The following MEGF10 variants were observed in gnomAD, a reference collection of about 807,000 sequenced individuals.
MEGF10 encodes the protein multiple epidermal growth factor-like domains protein 10.
In MEGF10, 86 loss-of-function variants were observed where a neutral mutation model predicts 147.5. The ratio of observed to expected loss-of-function variants is 0.58; its 90% CI spans 0.49 to 0.70. The LOEUF (loss-of-function observed/expected upper bound fraction) is 0.70. Among genes scored for constraint, MEGF10 ranks in the 30% least tolerant of loss-of-function variants. The pLI, the probability that MEGF10 is intolerant of heterozygous loss-of-function variation, is 0.00. For synonymous variants in MEGF10, 478 were observed against 525.5 expected (o/e 0.91, Z 1.24); for missense variants, 1,329 against 1,487.3 (o/e 0.89, Z 1.75).
chr5:127,332,858 T>C (rs1761317234), intron 2 of MEGF10, among the ~76,000 whole-genome samples: 1 of 152,102 alleles, frequency 6.6e-6, no homozygotes, highest in African/African-American at 2.4e-5. Flanking sequence ...AAGAGACCAT[T>C]GGTAGTTGAA....
chr5:127,364,626 A>G lies in MEGF10; in HGVS notation c.320-5284A>G, dbSNP rs140753148. Among the ~76,000 whole-genome samples the G allele has an allele frequency of 2.4e-3, 364 of 152,382 alleles. 1 individual carries two copies. The highest frequency in any genetic ancestry group is 8.2e-3 in the African/African-American group (341 of 41,596). On this transcript the variant is annotated intron_variant, in intron 4 of 24. Coordinates refer to ENST00000503335, the MANE Select transcript of MEGF10 (RefSeq NM_001256545.2). ...GCAATATAATGTTTGGAAATATGAA[A>G]GCAAAACGATTCCTGTGCACTTTGT...
intron 5 of MEGF10, among the ~76,000 whole-genome samples, chr5:127,386,006 G>T (rs916229412): frequency 5.3e-5 from 8 of 152,212 alleles, no homozygotes; most frequent in African/African-American, 1.9e-4. Context: ...TACTCTAGAG[G>T]CTGAGGTGGG....
chr5:127,393,683 C>T (rs534505840), intron 5 of MEGF10, among the ~76,000 whole-genome samples: 5 of 152,272 alleles, frequency 3.3e-5, no homozygotes, highest in African/African-American at 1.2e-4. Context: ...CATGCTTGGA[C>T]ATAGCCAGGA....
At chr5:127,306,055 T>C (rs771844870) in intron 1 of MEGF10, among the ~76,000 whole-genome samples, 2 of 152,224 alleles carry the variant, frequency 1.3e-5, no homozygotes, top group African/African-American at 2.4e-5. Context: ...AGACATTAAC[T>C]CTTCACCCAA....
At chr5:127,252,223 T>C in the MEGF10 span, among the ~76,000 whole-genome samples, 1 of 151,884 alleles carries the variant, frequency 6.6e-6, no homozygotes. Context: ...TCTATTAAGA[T>C]TAAAACTGCC....
intron 22 of MEGF10, among the ~76,000 whole-genome samples, chr5:127,451,130 G>A (rs1766140650): frequency 6.6e-6 from 1 of 152,178 alleles, no homozygotes; most frequent in South Asian, 2.1e-4. Context: ...GGAGTAGACT[G>A]GGAGGCACAG....
At chr5:127,351,477 A>C (rs1012277986) in intron 4 of MEGF10, among the ~76,000 whole-genome samples, 6 of 152,176 alleles carry the variant, frequency 3.9e-5, no homozygotes, top group Non-Finnish European at 7.4e-5. Context: ...AACGTTAGGC[A>C]CACGTAGTTT....
At chr5:127,386,332 G>A (rs1252865187) in intron 5 of MEGF10, among the ~76,000 whole-genome samples, 3 of 152,156 alleles carry the variant, frequency 2.0e-5, no homozygotes, top group African/African-American at 7.2e-5. Context: ...AAAAATCAAG[G>A]CAGTGAGATT....
Position 127,445,683 on chromosome 5 carries a change from T to C in MEGF10, c.2718T>C (p.Tyr906=), listed in dbSNP as rs41298310. ...TPAMRVVNAD[Y]TISGTLPHSN... ...CTATGAGGGTCGTCAATGCAGATTATACCATTTCAGGTAAGAGCAGAGGCA... is the reference window on the plus strand; with the variant it reads ...CTATGAGGGTCGTCAATGCAGATTACACCATTTCAGGTAAGAGCAGAGGCA... The change falls in exon 20 of 25, where the codon TAT becomes TAC. Residue 906 remains tyrosine, a synonymous_variant. Transcript: ENST00000503335. The C allele has an allele frequency of 6.2e-7, 1 of 1,613,004 alleles. No homozygotes were observed. The highest frequency in any genetic ancestry group is 8.5e-7 in the Non-Finnish European group (1 of 1,178,926).
In MEGF10 at chr5:127,410,633, C is replaced by G. The variant is rs200489093; in HGVS notation, c.1130+32C>G. 121 of 1,544,222 alleles carry G rather than the reference C, an allele frequency of 7.8e-5. No individual in the cohort carries two copies. The African/African-American group carries it at 1.5e-3, about 19-fold the overall frequency. On this transcript the variant is annotated intron_variant, in intron 9 of 24. Transcript: ENST00000503335. ...GTCAGCTTCCCCTGGAAGGACGTGTCCTGTGAAAGTTTTAACCTTGGTTTT... is the reference window on the plus strand; with the variant it reads ...GTCAGCTTCCCCTGGAAGGACGTGTGCTGTGAAAGTTTTAACCTTGGTTTT...
At chr5:127,263,061 A>G in the MEGF10 span, among the ~76,000 whole-genome samples, 163 of 152,352 alleles carry the variant, frequency 1.1e-3, 1 homozygote, top group African/African-American at 3.8e-3. Context: ...GCATATGAGC[A>G]TATGAGGTGT....
chr5:127,282,175 C>T, the MEGF10 span, among the ~76,000 whole-genome samples: 1 of 152,170 alleles, frequency 6.6e-6, no homozygotes, highest in African/African-American at 2.4e-5. Flanking sequence ...TCCATTTTTA[C>T]TTAACCTGTC....
intron 8 of MEGF10, among the ~76,000 whole-genome samples, chr5:127,404,402 A>T (rs1764248688): frequency 6.6e-6 from 1 of 152,114 alleles, no homozygotes; most frequent in Non-Finnish European, 1.5e-5. Flanking sequence ...TACCATTGAA[A>T]GTAACGGTGA....
the MEGF10 span, among the ~76,000 whole-genome samples, chr5:127,250,913 T>C: frequency 6.6e-6 from 1 of 151,858 alleles, no homozygotes; most frequent in East Asian, 1.9e-4. Context: ...TTTACAATAA[T>C]AATAAAAAAC....
chr5:127,285,744 C>G, the MEGF10 span, among the ~76,000 whole-genome samples: 1 of 151,952 alleles, frequency 6.6e-6, no homozygotes, highest in South Asian at 2.1e-4. Flanking sequence ...ATAAGATGAA[C>G]TATTCTTGCT....
intron 5 of MEGF10, among the ~76,000 whole-genome samples, chr5:127,394,389 A>G (rs907598891): frequency 6.6e-6 from 1 of 152,186 alleles, no homozygotes; most frequent in African/African-American, 2.4e-5. Context: ...GAGAGTGGTG[A>G]ACTGGTTTAC....
chr5:127,291,255 G>C (rs1464051977), intron 1 of MEGF10, among the ~76,000 whole-genome samples, 199 bp downstream of exon 1: 1 of 152,192 alleles, frequency 6.6e-6, no homozygotes, highest in Non-Finnish European at 1.5e-5. Flanking sequence ...TGTTACATGG[G>C]ATTGTGTAGG....
intron 5 of MEGF10, among the ~76,000 whole-genome samples, chr5:127,382,216 A>C (rs1013867683): frequency 3.9e-5 from 6 of 152,238 alleles, no homozygotes; most frequent in African/African-American, 1.4e-4. Flanking sequence ...AGTGTTCTTG[A>C]GATGGATAAA....
chr5:127,391,102 G>GCACGCACA (rs1554097038), intron 5 of MEGF10, among the ~76,000 whole-genome samples: 3 of 53,934 alleles, frequency 5.6e-5, no homozygotes, highest in East Asian at 7.4e-4. Flanking sequence ...GCGCGCGCGC[G>GCACGCACA]CACACACACA....
Sources: gnomAD v4.1 joint callset for allele counts (sites outside exome capture counted in the v4.1 genomes callset) on GRCh38, gnomAD v4.1.1 for gene constraint, MANE v1.5 for transcripts, NCBI Gene and HGNC (gene_info 2026-07-23, HGNC 2026-07-21) for gene names.